Variants in GRB10 observed in about 807,000 individuals in gnomAD.
The protein encoded by GRB10 is growth factor receptor-bound protein 10.
GRB10 carries 20 observed loss-of-function variants against 80.9 expected under a neutral mutation model. The observed-to-expected ratio is 0.25, with a 90% CI of 0.17 to 0.36. The LOEUF (loss-of-function observed/expected upper bound fraction) is 0.36. Ranked by LOEUF, GRB10 falls within the 10% of genes least tolerant of loss-of-function variation. GRB10 has a pLI of 1.00. For missense variants in GRB10, 548 were observed against 747.7 expected, an observed-to-expected ratio of 0.73 and a Z score of 3.12; for synonymous variants, 291 against 291.5, an observed-to-expected ratio of 1.00 and a Z score of 0.02.
Position 50,593,820 on chromosome 7 carries a change from G to A in GRB10, c.1639-722C>T, listed in dbSNP as rs139258596. Among the ~76,000 whole-genome samples, 688 of 152,202 alleles carry A rather than the reference G, an allele frequency of 4.5e-3. 10 individuals carry two copies. Among genetic ancestry groups the A allele is most frequent in the Admixed American group, 0.021 (314 of 15,288 alleles). On this transcript the variant is annotated intron_variant, in intron 18 of 18. Transcript: ENST00000401949. ...TAATTAATGAGCTTGGAACCACTTC[G>A]TAACTCTAAAACCATTGCTAGAGCT... is the stretch of plus-strand genomic sequence containing the variant.
chr7:50,789,108 C>T (rs2078808437), intron 1 of GRB10, among the ~76,000 whole-genome samples: 1 of 152,242 alleles, frequency 6.6e-6, no homozygotes, highest in Admixed American at 6.5e-5. Context: ...TTCAAACTGT[C>T]ACGCTAAACA....
intron 2 of GRB10, among the ~76,000 whole-genome samples, chr7:50,757,681 A>C (rs1031244716): frequency 6.6e-6 from 1 of 152,260 alleles, no homozygotes; most frequent in African/African-American, 2.4e-5. Flanking sequence ...AAAGATAAGA[A>C]AAAAGGGTGC....
At chr7:50,652,893 C>T (rs2058162152) in intron 7 of GRB10, among the ~76,000 whole-genome samples, 1 of 152,198 alleles carries the variant, frequency 6.6e-6, no homozygotes, top group Admixed American at 6.5e-5. Flanking sequence ...TCCAATGGCC[C>T]AGTCTTCTTT....
intron 4 of GRB10, among the ~76,000 whole-genome samples, chr7:50,714,743 A>G (rs28470699): frequency 0.15 from 23,460 of 151,782 alleles, 6,087 homozygotes; most frequent in African/African-American, 0.54. Context: ...TTGCAATTGC[A>G]CTGAACCCAA....
chr7:50,723,665 T>A (rs2068107566), intron 4 of GRB10, among the ~76,000 whole-genome samples: 1 of 152,178 alleles, frequency 6.6e-6, no homozygotes, highest in Non-Finnish European at 1.5e-5. Flanking sequence ...CCCCACTAGT[T>A]GGGTGGTCCC....
intron 4 of GRB10, among the ~76,000 whole-genome samples, chr7:50,724,509 T>A (rs531890703): frequency 6.6e-6 from 1 of 152,296 alleles, no homozygotes; most frequent in East Asian, 1.9e-4. Context: ...GAGACCTTCC[T>A]TCAAAAAAGT....
chr7:50,697,686 T>C (rs1196406550), intron 5 of GRB10, among the ~76,000 whole-genome samples: 1 of 152,196 alleles, frequency 6.6e-6, no homozygotes, highest in Non-Finnish European at 1.5e-5. Context: ...AACCGCACTG[T>C]ATGTTTGTTA....
chr7:50,595,440 T>C lies in GRB10; in HGVS notation c.1635A>G (p.Leu545=). ...HHQKIKNFQI[L]PCEDDGQTFF... Reference sequence around the variant, plus strand: ...GTCTGAGAACATCAATACTTACAGGTAAGATCTGGAAATTTTTAATTTTCT... The same window carrying C: ...GTCTGAGAACATCAATACTTACAGGCAAGATCTGGAAATTTTTAATTTTCT... The change falls in exon 18 of 19, where the codon TTA becomes TTG. Residue 545 remains leucine, a synonymous_variant. Transcript: ENST00000401949. The C allele has an allele frequency of 6.6e-7, 1 of 1,518,260 alleles. No individual in the cohort carries two copies. Among genetic ancestry groups the C allele is most frequent in the South Asian group, 1.1e-5 (1 of 89,138 alleles). 94.0% of individuals were successfully genotyped at this position (1,518,260 alleles called of 1,614,324 possible).
At chr7:50,770,532 C>T (rs572682282) in intron 2 of GRB10, among the ~76,000 whole-genome samples, 11 of 152,198 alleles carry the variant, frequency 7.2e-5, no homozygotes, top group Non-Finnish European at 7.3e-5. Context: ...GTGACCTCAC[C>T]CCTATGGCAA....
At chr7:50,647,751 C>T (rs73344883) in intron 7 of GRB10, among the ~76,000 whole-genome samples, 12,261 of 152,164 alleles carry the variant, frequency 0.081, 1,688 homozygotes, top group African/African-American at 0.28. Context: ...GCTCCCATGA[C>T]GACACAGGCA....
chr7:50,730,085 G>C (rs1362497795), intron 4 of GRB10, among the ~76,000 whole-genome samples: 1 of 152,174 alleles, frequency 6.6e-6, no homozygotes, highest in Non-Finnish European at 1.5e-5. Context: ...AACTGCGGTA[G>C]GGAAAGTTGC....
intron 2 of GRB10, among the ~76,000 whole-genome samples, chr7:50,762,780 C>A (rs763333924): frequency 6.6e-6 from 1 of 152,154 alleles, no homozygotes; most frequent in Non-Finnish European, 1.5e-5. Flanking sequence ...GAAGAAAAAA[C>A]TAACTTCTGT....
intron 3 of GRB10, among the ~76,000 whole-genome samples, chr7:50,745,380 G>A (rs1055597375): frequency 3.9e-5 from 6 of 152,114 alleles, no homozygotes; most frequent in South Asian, 2.1e-4. Flanking sequence ...ACAAATTACC[G>A]AATGCCTTTG....
chr7:50,593,462 G>A (rs2046079252), intron 18 of GRB10, among the ~76,000 whole-genome samples: 1 of 152,056 alleles, frequency 6.6e-6, no homozygotes, highest in South Asian at 2.1e-4. Context: ...AGCATGCCCC[G>A]AGAAGACTGC....
chr7:50,724,997 A>C (rs2068366299), intron 4 of GRB10, among the ~76,000 whole-genome samples: 1 of 152,184 alleles, frequency 6.6e-6, no homozygotes, highest in South Asian at 2.1e-4. Context: ...TGATACTGCC[A>C]TCTCTCCTGG....
chr7:50,612,652 C>T (rs910186858), intron 13 of GRB10, 89 bp downstream of exon 13: 1 of 824,642 alleles, frequency 1.2e-6, no homozygotes, highest in African/African-American at 1.7e-5. Flanking sequence ...AAGTTACGAG[C>T]ATTTTCCTGC....
chr7:50,746,215 C>T (rs979265994), intron 3 of GRB10, among the ~76,000 whole-genome samples: 5 of 152,174 alleles, frequency 3.3e-5, no homozygotes, highest in African/African-American at 1.2e-4. Context: ...TAAGAATCTC[C>T]TTACAACTTA....
At chr7:50,788,167 G>C (rs780524060) in intron 1 of GRB10, among the ~76,000 whole-genome samples, 4 of 152,216 alleles carry the variant, frequency 2.6e-5, no homozygotes, top group African/African-American at 9.7e-5. Flanking sequence ...GTATTATAAA[G>C]GTTTTTATAC....
At chr7:50,712,384 A>G (rs1369136237) in intron 4 of GRB10, among the ~76,000 whole-genome samples, 1 of 152,220 alleles carries the variant, frequency 6.6e-6, no homozygotes, top group African/African-American at 2.4e-5. Flanking sequence ...GAGATGGGGG[A>G]AAAAGAAAAG....
Sources: allele counts gnomAD v4.1 joint callset (sites outside exome capture counted in the v4.1 genomes callset), GRCh38; gene constraint gnomAD v4.1.1; transcripts MANE v1.5; gene names NCBI Gene and HGNC (gene_info 2026-07-23, HGNC 2026-07-21).